The following CARS1 variants were observed in gnomAD, a reference collection of about 807,000 sequenced individuals.
The protein encoded by CARS1 is cysteine--tRNA ligase, cytoplasmic.
Under a neutral mutation model 106.2 loss-of-function variants are expected in CARS1, and 48 were observed. The observed-to-expected ratio is 0.45, with a 90% CI of 0.36 to 0.57. The LOEUF is 0.57. Among genes scored for constraint, CARS1 ranks in the 20% least tolerant of loss-of-function variants. CARS1 has a pLI of 0.00. For missense variants in CARS1, 968 were observed against 1,057.2 expected, an observed-to-expected ratio of 0.92 and a Z score of 1.17; for synonymous variants, 409 against 403.4, an observed-to-expected ratio of 1.01 and a Z score of -0.17.
chr11:3,027,827 C>T (rs1297557886), intron 9 of CARS1: 1 of 454,648 alleles, frequency 2.2e-6, no homozygotes, highest in Non-Finnish European at 4.4e-6. Context: ...CTAGCGGTAG[C>T]GTAAGTGTCA....
Position 3,020,795 on chromosome 11 carries a change from G to A in CARS1, c.1154-463C>T, listed in dbSNP as rs980054381. The stretch of plus-strand genomic sequence containing the variant: ...CACAACTATCTGCTTATGGGTCCCG[G>A]GGGATACAAGGATGCAGCTAAGCTG... On this transcript the variant is annotated intron_variant, in intron 10 of 22. Transcript: ENST00000380525. The surrounding 1 kb of genome is among the most constrained non-coding windows in gnomAD (Gnocchi z 4.6). 3.9e-5 allele frequency among the ~76,000 whole-genome samples: 6 copies of A among 152,232 alleles called. No homozygotes were observed. Among genetic ancestry groups the A allele is most frequent in the Non-Finnish European group, 5.9e-5 (4 of 68,050 alleles).
Position 3,038,953 on chromosome 11 carries a change from G to GT in CARS1, c.651+240dup, listed in dbSNP as rs944754428. 6.6e-6 allele frequency among the ~76,000 whole-genome samples: 1 copy of GT among 152,222 alleles called. No homozygotes were observed. Among genetic ancestry groups the GT allele is most frequent in the Admixed American group, 6.5e-5 (1 of 15,288 alleles). ...CTGTGATGAATTCAGTTGTTTTCCT[G>GT]TAAGTGGCAGGAATGTCACCTACTC... On this transcript the variant is annotated intron_variant, in intron 6 of 22. Coordinates refer to ENST00000380525, the MANE Select transcript of CARS1 (RefSeq NM_001014437.3). This position sits in a 1 kb window ranked among gnomAD's most constrained non-coding sequence, Gnocchi z 4.0.
Position 3,050,321 on chromosome 11 carries a change from C to A in CARS1, c.26-2320G>T, listed in dbSNP as rs959797940. ...GTCCCATCTGACCCCAATAAGATGGCCACCCACTCCAAGCAGCCACAGGCA... is the reference window on the plus strand; with the variant it reads ...GTCCCATCTGACCCCAATAAGATGGACACCCACTCCAAGCAGCCACAGGCA... On this transcript the variant is annotated intron_variant, in intron 1 of 22. Transcript: ENST00000380525. The surrounding 1 kb of genome is among the most constrained non-coding windows in gnomAD (Gnocchi z 6.3). Among the ~76,000 whole-genome samples, 9 of 152,080 alleles carry A rather than the reference C, an allele frequency of 5.9e-5. No homozygotes were observed. The highest frequency in any genetic ancestry group is 2.2e-4 in the African/African-American group (9 of 41,406).
Position 3,020,859 on chromosome 11 carries a change from G to A in CARS1, c.1154-527C>T, listed in dbSNP as rs1051094638. The stretch of plus-strand genomic sequence containing the variant: ...CAGGGAACCTGGTGGCAGTGCAGTG[G>A]TGAAGGGGACATTTGCTGTTCCTGT... On this transcript the variant is annotated intron_variant, in intron 10 of 22. Transcript: ENST00000380525. The surrounding 1 kb of genome is among the most constrained non-coding windows in gnomAD (Gnocchi z 4.6). Among the ~76,000 whole-genome samples the A allele has an allele frequency of 1.3e-5, 2 of 152,342 alleles. No individual in the cohort carries two copies. The highest frequency in any genetic ancestry group is 1.9e-4 in the East Asian group (1 of 5,184).
chr11:3,012,813 C>T (rs181879226), intron 17 of CARS1, among the ~76,000 whole-genome samples: 3 of 151,758 alleles, frequency 2.0e-5, no homozygotes, highest in African/African-American at 4.8e-5. Context: ...AGCAGCTACA[C>T]GTAGATTCAC....
Position 3,020,235 on chromosome 11 carries a change from C to T in CARS1, c.1251G>A (p.Pro417=), listed in dbSNP as rs773490858. ...KASKPGEPSW[P]CPWGKGRPGW... ...ACTCGCTCACCTTTCCCCAAGGGCA[C>T]GGCCAGGACGGTTCTCCGGGCTTAG... The change falls in exon 11 of 23, where the codon CCG becomes CCA. Residue 417 remains proline (P), a synonymous_variant. Transcript: ENST00000380525. This position sits in a 1 kb window ranked among gnomAD's most constrained non-coding sequence, Gnocchi z 4.6. The T allele has an allele frequency of 1.2e-5, 19 of 1,606,144 alleles. No individual in the cohort carries two copies. Among genetic ancestry groups the T allele is most frequent in the Admixed American group, 5.0e-5 (3 of 60,008 alleles).
intron 7 of CARS1, among the ~76,000 whole-genome samples, chr11:3,032,078 C>G (rs926381786): frequency 1.7e-5 from 2 of 114,474 alleles, no homozygotes; most frequent in Admixed American, 2.2e-4. Context: ...TTCCTTCCTT[C>G]CTTCCTTCCT....
chr11:3,041,449 G>A lies in CARS1; in HGVS notation c.367-465C>T, dbSNP rs1273881528. Reference sequence around the variant, plus strand: ...TTGGCCAGGGTCAGTCCCTGTTGGGGGAGCGCGGCTTGGAGGCCAGGACCC... The same window carrying A: ...TTGGCCAGGGTCAGTCCCTGTTGGGAGAGCGCGGCTTGGAGGCCAGGACCC... On this transcript the variant is annotated intron_variant, in intron 3 of 22. Transcript: ENST00000380525. The surrounding 1 kb of genome is among the most constrained non-coding windows in gnomAD (Gnocchi z 4.9). Among the ~76,000 whole-genome samples the A allele has an allele frequency of 2.0e-5, 3 of 152,112 alleles. No individual in the cohort carries two copies. The highest frequency in any genetic ancestry group is 6.5e-5 in the Admixed American group (1 of 15,280).
Position 3,006,897 on chromosome 11 carries a change from G to T in CARS1, c.2131C>A (p.Arg711=), listed in dbSNP as rs754109841. The change falls in exon 19 of 23, where the codon CGG becomes AGG. Residue 711 remains arginine, a synonymous_variant. Coordinates refer to ENST00000380525, the MANE Select transcript of CARS1 (RefSeq NM_001014437.3). ...RDNILPELGV[R]FEDHEGLPTV... ...CACCCACCTTCGTGGTCTTCAAACC[G>T]CACCCCAAGCTCGGGCAGGATGTTG... The T allele has an allele frequency of 2.4e-5, 39 of 1,613,752 alleles. No homozygotes were observed. Among genetic ancestry groups the T allele is most frequent in the Non-Finnish European group, 3.1e-5 (36 of 1,179,828 alleles).
chr11:3,013,607 T>G (rs1168337901), intron 17 of CARS1, among the ~76,000 whole-genome samples: 3 of 151,808 alleles, frequency 2.0e-5, no homozygotes, highest in African/African-American at 7.3e-5. Context: ...TCCCAGCACT[T>G]TGGGAGGGCG....
At chr11:3,027,433 T>C (rs1216644319) in intron 9 of CARS1, 1 of 174,018 alleles carries the variant, frequency 5.7e-6, no homozygotes, top group African/African-American at 2.3e-5. Context: ...CACGGTACAG[T>C]GCTGAGCACT....
At chr11:3,047,667 C>T (rs575822374) in intron 2 of CARS1, 86 bp downstream of exon 2, 48 of 1,509,892 alleles carry the variant, frequency 3.2e-5, no homozygotes, top group Middle Eastern at 1.8e-4. Context: ...TATCCGCAGA[C>T]GCCAGGTAAG....
chr11:3,025,671 C>T (rs1442023984), intron 10 of CARS1, among the ~76,000 whole-genome samples: 1 of 152,236 alleles, frequency 6.6e-6, no homozygotes, highest in Non-Finnish European at 1.5e-5. Context: ...GGAATCCCCA[C>T]TCTGCAGGGA....
intron 1 of CARS1, among the ~76,000 whole-genome samples, chr11:3,055,787 T>C (rs2134332831): frequency 6.6e-6 from 1 of 152,354 alleles, no homozygotes; most frequent in Middle Eastern, 3.4e-3. Flanking sequence ...GGCCCTAACT[T>C]TCAGCACAGA....
rs773191428 is a variant in CARS1 at position 3,047,877 on chromosome 11, C to T, written c.150G>A (p.Ala50=). ...CGGGCGGGGCCGAGAGCTGCCTGAA[C>T]GCGTCCACGTCTGCCTGGGACAGTG... ...GYSLSQADVD[A]FRQLSAPPAD... is the part of the protein sequence containing the mutation. The change falls in exon 2 of 23, where the codon GCG becomes GCA. Residue 50 remains alanine, a synonymous_variant. Coordinates refer to ENST00000380525, the MANE Select transcript of CARS1 (RefSeq NM_001014437.3). The T allele has an allele frequency of 2.0e-5, 33 of 1,613,972 alleles. No individual in the cohort carries two copies. In the Admixed American group the frequency reaches 3.3e-4, roughly 16 times the overall value.
Position 3,029,477 on chromosome 11 carries a change from C to T in CARS1, c.802-34G>A, listed in dbSNP as rs534847414. 6 of 1,608,248 alleles carry T rather than the reference C, an allele frequency of 3.7e-6. No homozygotes were observed. In the East Asian group the frequency reaches 6.7e-5, roughly 18 times the overall value. On this transcript the variant is annotated intron_variant, in intron 7 of 22. Transcript: ENST00000380525. This position sits in a 1 kb window ranked among gnomAD's most constrained non-coding sequence, Gnocchi z 5.9. ...AAAGAAACAAAAATCCAGCAGCGGGCCACACACTTCACATGAGAACATCTC... is the reference window on the plus strand; with the variant it reads ...AAAGAAACAAAAATCCAGCAGCGGGTCACACACTTCACATGAGAACATCTC...
intron 17 of CARS1, among the ~76,000 whole-genome samples, chr11:3,012,947 T>C (rs1305723061): frequency 6.9e-6 from 1 of 145,818 alleles, no homozygotes; most frequent in East Asian, 2.0e-4. Flanking sequence ...TGGAGTGCAA[T>C]GGTGTGATCT....
At position 3,038,837 on chromosome 11, in the gene CARS1, T is replaced by C. The variant is rs1017023574; in HGVS notation, c.651+357A>G. On this transcript the variant is annotated intron_variant, in intron 6 of 22. Transcript: ENST00000380525. The surrounding 1 kb of genome is among the most constrained non-coding windows in gnomAD (Gnocchi z 4.0). Reference sequence around the variant, plus strand: ...AAAAGCTTAGTATAGCTTTTGTATCTTGGGCAGAAGTTTCTGATTTAGTTG... The same window carrying C: ...AAAAGCTTAGTATAGCTTTTGTATCCTGGGCAGAAGTTTCTGATTTAGTTG... Among the ~76,000 whole-genome samples, 1 of 152,262 alleles carries C rather than the reference T, an allele frequency of 6.6e-6. No homozygotes were observed. Among genetic ancestry groups the C allele is most frequent in the South Asian group, 2.1e-4 (1 of 4,836 alleles).
At position 3,041,962 on chromosome 11, in the gene CARS1, T is replaced by C. The variant is rs548650089; in HGVS notation, c.366+203A>G. Among the ~76,000 whole-genome samples, 3 of 152,268 alleles carry C rather than the reference T, an allele frequency of 2.0e-5. No homozygotes were observed. In the South Asian group the frequency reaches 6.2e-4, roughly 32 times the overall value. On this transcript the variant is annotated intron_variant, in intron 3 of 22. Coordinates refer to ENST00000380525, the MANE Select transcript of CARS1 (RefSeq NM_001014437.3). This position sits in a 1 kb window ranked among gnomAD's most constrained non-coding sequence, Gnocchi z 4.9. ...CACATGAGGCATGATACTTCACGTG[T>C]CTGGGTTTCAGAGGACAGCTCTGCC...
Sources: gnomAD v4.1 joint callset for allele counts (sites outside exome capture counted in the v4.1 genomes callset) on GRCh38, gnomAD v4.1.1 for gene constraint, Gnocchi (gnomAD v3.1) non-coding constraint, MANE v1.5 for transcripts, NCBI Gene and HGNC (gene_info 2026-07-23, HGNC 2026-07-21) for gene names.